The following PHYKPL variants were observed in gnomAD, a reference collection of about 807,000 sequenced individuals.
PHYKPL encodes 5-phosphonooxy-L-lysine phospho-lyase.
Under a neutral mutation model 51.3 loss-of-function variants are expected in PHYKPL, and 42 were observed. The ratio of observed to expected loss-of-function variants is 0.82; its 90% CI spans 0.64 to 1.06. The LOEUF (loss-of-function observed/expected upper bound fraction) is 1.06, where lower values mean the gene tolerates loss of function less well. Among genes scored for constraint, PHYKPL ranks in the 50% least tolerant of loss-of-function variants. PHYKPL has a pLI of 0.00. For synonymous variants in PHYKPL, 264 were observed against 236.0 expected, an observed-to-expected ratio of 1.12 and a Z score of -1.09; for missense variants, 655 against 586.6, an observed-to-expected ratio of 1.12 and a Z score of -1.20.
At chr5:178,229,794 A>T in intron 3 of PHYKPL, 146 bp downstream of exon 3, 1 of 976,924 alleles carries the variant, frequency 1.0e-6, no homozygotes, top group Non-Finnish European at 1.5e-6. Context: ...ATCAGGGCCT[A>T]CAGCCGGGAA....
intron 8 of PHYKPL, among the ~76,000 whole-genome samples, chr5:178,219,606 C>A (rs1327225078): frequency 6.6e-6 from 1 of 151,940 alleles, no homozygotes; most frequent in Non-Finnish European, 1.5e-5. Flanking sequence ...CCCGCCACCA[C>A]GCCCGGCTAA....
chr5:178,207,172 G>A (rs1356230001), downstream of PHYKPL: 1 of 1,614,050 alleles, frequency 6.2e-7, no homozygotes, highest in South Asian at 1.1e-5. Flanking sequence ...TAAAGAAGAA[G>A]AACCCGTGAA....
At chr5:178,220,721 C>CAAAAAAAA in intron 8 of PHYKPL, among the ~76,000 whole-genome samples, 1 of 46,704 alleles carries the variant, frequency 2.1e-5, no homozygotes, top group Non-Finnish European at 4.7e-5. Context: ...TTCATAATTG[C>CAAAAAAAA]AAAAAAAAAA....
chr5:178,210,733 G>C, intron 12 of PHYKPL: 1 of 805,420 alleles, frequency 1.2e-6, no homozygotes, highest in Middle Eastern at 3.5e-4. Flanking sequence ...CCTGTCCCAT[G>C]TGCATCTTAT....
At chr5:178,232,337 A>G (rs1763649331) in intron 1 of PHYKPL, 155 bp downstream of exon 1, 7 of 1,271,024 alleles carry the variant, frequency 5.5e-6, no homozygotes, top group African/African-American at 1.6e-5. Flanking sequence ...GGGCCCTAGA[A>G]GCTCCAGCGG....
chr5:178,222,543 C>T lies in PHYKPL; in HGVS notation c.739G>A (p.Glu247Lys), dbSNP rs1454230974. The change falls in exon 8 of 13, where the codon GAG becomes AAG. Residue 247 changes from glutamate to lysine, a missense_variant. Coordinates refer to ENST00000308158, the MANE Select transcript of PHYKPL (RefSeq NM_153373.4). ...ACCCGGCCAAAGCCAACCTGGATCT[C>T]ATCTGCAACAAAGACCCCTCCGGCC... ...RKAGGVFVAD[E>K]IQVGFGRVGK... The T allele has an allele frequency of 6.2e-7, 1 of 1,614,268 alleles. No homozygotes were observed. The highest frequency in any genetic ancestry group is 1.7e-5 in the Admixed American group (1 of 60,034).
chr5:178,212,044 C>T, intron 11 of PHYKPL, 74 bp from the exon 12 acceptor site: 1 of 1,509,484 alleles, frequency 6.6e-7, no homozygotes, highest in Non-Finnish European at 9.2e-7. Flanking sequence ...CTTCAGTGTC[C>T]AAACTGGAGG....
In PHYKPL at chr5:178,213,502, C is replaced by T. The variant is rs533659170; in HGVS notation, c.1173-399G>A. On this transcript the variant is annotated intron_variant, in intron 10 of 12. Coordinates refer to ENST00000308158, the MANE Select transcript of PHYKPL (RefSeq NM_153373.4). ...AACATTGCAGTTGGTGTAATGAGCT[C>T]CACGTGCCCCTCACCAGCTTCAGGC... 9.9e-5 allele frequency among the ~76,000 whole-genome samples: 14 copies of T among 141,736 alleles called. No individual in the cohort carries two copies. In the East Asian group the frequency reaches 2.5e-3, roughly 25 times the overall value. 93.0% of individuals were successfully genotyped at this position (141,736 alleles called of 152,430 possible).
intron 10 of PHYKPL, 92 bp from the exon 11 acceptor site, chr5:178,213,195 CAG>C: frequency 6.6e-7 from 1 of 1,526,574 alleles, no homozygotes; most frequent in Non-Finnish European, 8.9e-7. Flanking sequence ...ACACTGTCCT[CAG>C]AGCCTTCCAT....
At chr5:178,212,907 G>C (rs1219489985) in intron 11 of PHYKPL, 66 bp downstream of exon 11, 1 of 1,592,462 alleles carries the variant, frequency 6.3e-7, no homozygotes, top group African/African-American at 1.3e-5. Context: ...TCCATGCTAG[G>C]AGGCTCTAGT....
Position 178,232,557 on chromosome 5 carries a change from T to C in PHYKPL, c.-7A>G. 8.2e-7 allele frequency: 1 copy of C among 1,214,602 alleles called. No individual in the cohort carries two copies. The highest frequency in any genetic ancestry group is 1.0e-6 in the Non-Finnish European group (1 of 976,210). The allele number at this position is 1,214,602 out of a possible 1,614,324, so 75.2% of individuals were successfully genotyped here. A position where few individuals can be genotyped will look rare whatever the true frequency, so the allele number is the denominator to read the frequency against. On this transcript the variant is annotated 5_prime_UTR_variant, in exon 1 of 13. Transcript: ENST00000308158. ...GGCGCTGGTCTGCGGCCATGGTGGG[T>C]GGCCGTCAGTCGGTGCCGTGACGCC...
chr5:178,213,442 G>A (rs1475387711), intron 10 of PHYKPL, among the ~76,000 whole-genome samples: 5 of 152,166 alleles, frequency 3.3e-5, no homozygotes, highest in South Asian at 2.1e-4. Context: ...TGTGGTTTAC[G>A]TGATGTATAT....
At chr5:178,213,724 A>G (rs2113728196) in intron 10 of PHYKPL, among the ~76,000 whole-genome samples, 1 of 150,664 alleles carries the variant, frequency 6.6e-6, no homozygotes, top group East Asian at 2.0e-4. Flanking sequence ...TCTTTTGTAA[A>G]CCTTGTTATT....
downstream of PHYKPL, among the ~76,000 whole-genome samples, chr5:178,207,897 A>G (rs922858113): frequency 1.3e-5 from 2 of 151,952 alleles, no homozygotes; most frequent in East Asian, 3.9e-4. Flanking sequence ...TGGTCTCACC[A>G]TGTTGCCTGG....
In PHYKPL at chr5:178,213,106, G is replaced by A. The variant is rs1246515941; in HGVS notation, c.1173-3C>T. ...GCAAAACGTAGTTCTCCTTCAGCCT[G>A]TGAGGACAGGACACCCCTTCACATG... On this transcript the variant is annotated splice_region_variant and splice_polypyrimidine_tract_variant and intron_variant, in intron 10 of 12. Coordinates refer to ENST00000308158, the MANE Select transcript of PHYKPL (RefSeq NM_153373.4). 2 of 1,613,890 alleles carry A rather than the reference G, an allele frequency of 1.2e-6. No homozygotes were observed. Among genetic ancestry groups the A allele is most frequent in the Admixed American group, 3.3e-5 (2 of 60,012 alleles).
chr5:178,211,531 C>A, intron 12 of PHYKPL: 1 of 228,328 alleles, frequency 4.4e-6, no homozygotes, highest in East Asian at 1.2e-4. Flanking sequence ...AATAGTGCTC[C>A]TCCTGGCTGG....
intron 10 of PHYKPL, among the ~76,000 whole-genome samples, chr5:178,214,020 G>A (rs1262893774): frequency 6.6e-6 from 1 of 152,204 alleles, no homozygotes; most frequent in Non-Finnish European, 1.5e-5. Flanking sequence ...AGGCTCCTGG[G>A]AGGGGGGTAG....
chr5:178,212,647 T>TG (rs1490368571), intron 11 of PHYKPL, among the ~76,000 whole-genome samples: 1 of 152,224 alleles, frequency 6.6e-6, no homozygotes, highest in Non-Finnish European at 1.5e-5. Context: ...CTGGCGGTAA[T>TG]GGGGTCTCAA....
At chr5:178,218,216 C>CAAAA (rs777929826) in intron 8 of PHYKPL, among the ~76,000 whole-genome samples, 199 of 57,154 alleles carry the variant, frequency 3.5e-3, no homozygotes, top group Middle Eastern at 0.01. Flanking sequence ...AACTCCGTCT[C>CAAAA]AAAAAAAAAA....
Sources: allele counts gnomAD v4.1 joint callset (sites outside exome capture counted in the v4.1 genomes callset), GRCh38; gene constraint gnomAD v4.1.1; transcripts MANE v1.5; gene names NCBI Gene and HGNC (gene_info 2026-07-23, HGNC 2026-07-21).